The following MTRES1 variants were observed in gnomAD, a reference collection of about 807,000 sequenced individuals.
The protein encoded by MTRES1 is uncharacterized protein C6orf203.
A neutral mutation model predicts 17.4 loss-of-function variants in MTRES1; 11 were observed. The ratio of observed to expected loss-of-function variants is 0.63; its 90% CI spans 0.40 to 1.05. The LOEUF (loss-of-function observed/expected upper bound fraction) is 1.05. Ranked by LOEUF, MTRES1 falls within the 50% of genes least tolerant of loss-of-function variation. The pLI is 0.00. For missense variants in MTRES1, 268 were observed against 276.2 expected (o/e 0.97, Z 0.21); for synonymous variants, 94 against 99.6 (o/e 0.94, Z 0.34).
Position 107,051,053 on chromosome 6 carries a change from T to C in MTRES1, c.544-4T>C, listed in dbSNP as rs146122461. Reference sequence around the variant, plus strand: ...CCAAGCCTCTGTTTTCTTTTAATTTTCAGGTGAAAGTGGGAGATACATTGG... The same window carrying C: ...CCAAGCCTCTGTTTTCTTTTAATTTCCAGGTGAAAGTGGGAGATACATTGG... On this transcript the variant is annotated splice_region_variant and splice_polypyrimidine_tract_variant and intron_variant, in intron 3 of 3. Coordinates refer to ENST00000311381, the MANE Select transcript of MTRES1 (RefSeq NM_016487.5). The C allele has an allele frequency of 6.2e-7, 1 of 1,604,728 alleles. No homozygotes were observed. The highest frequency in any genetic ancestry group is 8.5e-7 in the Non-Finnish European group (1 of 1,175,796).
intron 1 of MTRES1, among the ~76,000 whole-genome samples, chr6:107,036,235 T>G (rs1774002623): frequency 6.6e-6 from 1 of 152,018 alleles, no homozygotes; most frequent in South Asian, 2.1e-4. Context: ...AATGCAAAAT[T>G]TATTCATCTT....
At chr6:107,031,013 G>A (rs528172339) in intron 1 of MTRES1, among the ~76,000 whole-genome samples, 211 of 152,260 alleles carry the variant, frequency 1.4e-3, no homozygotes, top group Non-Finnish European at 1.7e-3. Context: ...GTACATTTAA[G>A]AGCTGAGCTG....
intron 1 of MTRES1, among the ~76,000 whole-genome samples, chr6:107,029,572 C>A (rs1212494331): frequency 6.6e-6 from 1 of 151,834 alleles, no homozygotes; most frequent in African/African-American, 2.4e-5. Flanking sequence ...CAGCCTCCCC[C>A]TCCCAGGTTC....
intron 1 of MTRES1, among the ~76,000 whole-genome samples, chr6:107,036,849 CAAAA>C (rs67649016): frequency 0.021 from 2,782 of 132,496 alleles, 90 homozygotes; most frequent in African/African-American, 0.074. Flanking sequence ...GACTCCGTCT[CAAAA>C]AAAAAAAAAA....
At position 107,050,970 on chromosome 6, in the gene MTRES1, A is replaced by G. The variant is rs1045653352; in HGVS notation, c.544-87A>G. ...CCTGCCCCTCCTCTGGGTCATGATC[A>G]TGTGGTGAAAACTCAGAGCAGTAAT... On this transcript the variant is annotated intron_variant, in intron 3 of 3. Coordinates refer to ENST00000311381, the MANE Select transcript of MTRES1 (RefSeq NM_016487.5). 195 of 1,082,944 alleles carry G rather than the reference A, an allele frequency of 1.8e-4. No individual in the cohort carries two copies. In the Admixed American group the frequency reaches 3.5e-3, roughly 19 times the overall value. The allele number at this position is 1,082,944 out of a possible 1,614,324, so 67.1% of individuals were successfully genotyped here.
intron 1 of MTRES1, chr6:107,030,220 A>G (rs1773790609): frequency 2.8e-6 from 2 of 715,194 alleles, no homozygotes; most frequent in Non-Finnish European, 5.2e-6. Flanking sequence ...ACCAGATCCT[A>G]TAGAGCCTTT....
chr6:107,042,504 A>G (rs571928277), intron 2 of MTRES1, among the ~76,000 whole-genome samples: 1 of 150,680 alleles, frequency 6.6e-6, no homozygotes, highest in Admixed American at 6.6e-5. Flanking sequence ...TATTAAGCCA[A>G]GCTCCACATG....
chr6:107,041,513 G>T (rs782689184), intron 2 of MTRES1, among the ~76,000 whole-genome samples: 1 of 151,906 alleles, frequency 6.6e-6, no homozygotes, highest in South Asian at 2.1e-4. Flanking sequence ...GTATTTCTGG[G>T]TTTTTTTGTT....
At chr6:107,040,527 A>C (rs1225974575) in intron 2 of MTRES1, 2 of 225,160 alleles carry the variant, frequency 8.9e-6, no homozygotes, top group Admixed American at 5.3e-5. Context: ...TATTAGATGT[A>C]TGTAGCAAAC....
chr6:107,028,322 CT>C (rs1179815632), intron 1 of MTRES1, 51 bp downstream of exon 1: 1 of 152,392 alleles, frequency 6.6e-6, no homozygotes, highest in East Asian at 1.9e-4. Context: ...CCCGCGCCCC[CT>C]GTCACTTCGC....
chr6:107,028,867 T>A, intron 1 of MTRES1: 1 of 985,112 alleles, frequency 1.0e-6, no homozygotes, highest in Non-Finnish European at 1.2e-6. Context: ...GCCGTGATCA[T>A]CTCTCCACTC....
chr6:107,037,573 T>C (rs1774053964), intron 1 of MTRES1, among the ~76,000 whole-genome samples: 2 of 152,220 alleles, frequency 1.3e-5, no homozygotes, highest in South Asian at 4.1e-4. Flanking sequence ...CTAAAAAATT[T>C]AAAGGCATTT....
rs1478078427 is a variant in MTRES1 at position 107,051,226 on chromosome 6, T to C, written c.713T>C (p.Met238Thr). Reference protein sequence around the residue: ...WKSLKLPKKRMSK With the variant: ...WKSLKLPKKRTSK ...AGTTTAAAGTTGCCTAAGAAGAGAA[T>C]GTCTAAATAAATGGATTGCTTTTTA... The change falls in exon 4 of 4, where the codon ATG (methionine) becomes ACG (threonine). Residue 238 changes from methionine (M) to threonine (T), a missense_variant. Transcript: ENST00000311381. 8.1e-6 allele frequency: 13 copies of C among 1,612,502 alleles called. No individual in the cohort carries two copies. The highest frequency in any genetic ancestry group is 1.1e-5 in the Non-Finnish European group (13 of 1,179,370).
intron 1 of MTRES1, among the ~76,000 whole-genome samples, chr6:107,034,212 TA>T (rs1227266799): frequency 1.3e-5 from 2 of 152,270 alleles, no homozygotes; most frequent in East Asian, 3.9e-4. Context: ...CGGTACGGTA[TA>T]AAGCTAGGAC....
At position 107,040,049 on chromosome 6, in the gene MTRES1, T is replaced by C. The variant is rs1315182399; in HGVS notation, c.289T>C (p.Ser97Pro). ...AAGGTCTACAAAATCTACTAAAAAG[T>C]CTCTGCAAAAAGTAGATGAAGAGGA... The part of the protein sequence containing the change: ...NIRSTKSTKK[S>P]LQKVDEEDSD... Residue 97 changes from serine (S) to proline (P), a missense_variant, in exon 2 of 4, where the codon TCT becomes CCT. Ser to Pro is a moderately conservative substitution (Grantham distance 74). Coordinates refer to ENST00000311381, the MANE Select transcript of MTRES1 (RefSeq NM_016487.5). 1.2e-6 allele frequency: 2 copies of C among 1,613,212 alleles called. No homozygotes were observed. The highest frequency in any genetic ancestry group is 1.3e-5 in the African/African-American group (1 of 74,950).
Position 107,040,063 on chromosome 6 carries a change from A to G in MTRES1, c.303A>G (p.Val101=), listed in dbSNP as rs1554227466. 2 of 1,613,686 alleles carry G rather than the reference A, an allele frequency of 1.2e-6. No individual in the cohort carries two copies. The highest frequency in any genetic ancestry group is 2.2e-5 in the South Asian group (2 of 90,956). Residue 101 remains valine (V), a synonymous_variant, in exon 2 of 4, where the codon GTA becomes GTG. Transcript: ENST00000311381. ...CTACTAAAAAGTCTCTGCAAAAAGT[A>G]GATGAAGAGGACTCTGATGAAGAAA... ...TKSTKKSLQK[V]DEEDSDEESH...
chr6:107,039,784 G>A lies in MTRES1; in HGVS notation c.24G>A (p.Leu8=). ...CCATGGCTATGGCTAGTGTTAAATT[G>A]CTTGCCGGTGTTTTAAGAAAGCCAG... MAMASVK[L]LAGVLRKPDA... Residue 8 remains leucine, a synonymous_variant, in exon 2 of 4, where the codon TTG becomes TTA. Coordinates refer to ENST00000311381, the MANE Select transcript of MTRES1 (RefSeq NM_016487.5). 1.2e-6 allele frequency: 2 copies of A among 1,607,482 alleles called. No homozygotes were observed. The highest frequency in any genetic ancestry group is 1.7e-6 in the Non-Finnish European group (2 of 1,178,578).
At chr6:107,028,906 TAAAA>T in intron 1 of MTRES1, 1 of 983,976 alleles carries the variant, frequency 1.0e-6, no homozygotes, top group Admixed American at 6.2e-5. Context: ...AGAGATCTTT[TAAAA>T]TGAACTTCCA....
chr6:107,033,595 G>A (rs1773913227), intron 1 of MTRES1, among the ~76,000 whole-genome samples: 1 of 152,052 alleles, frequency 6.6e-6, no homozygotes, highest in South Asian at 2.1e-4. Flanking sequence ...GAGCTGGGCA[G>A]ATCACGAGGT....
Sources: gnomAD v4.1 joint callset for allele counts (sites outside exome capture counted in the v4.1 genomes callset) on GRCh38, gnomAD v4.1.1 for gene constraint, MANE v1.5 for transcripts, NCBI Gene and HGNC (gene_info 2026-07-23, HGNC 2026-07-21) for gene names.